Variants in ZNF28 observed in about 807,000 individuals in gnomAD.
The protein encoded by ZNF28 is zinc finger protein 28.
ZNF28 carries 5 observed loss-of-function variants against 7.2 expected under a neutral mutation model. The ratio of observed to expected loss-of-function variants is 0.70; its 90% confidence interval spans 0.36 to 1.46. The LOEUF (loss-of-function observed/expected upper bound fraction) is 1.46. Among genes scored for constraint, ZNF28 ranks in the 40% most tolerant of loss-of-function variants. ZNF28 has a pLI of 0.03. For missense variants in ZNF28, 879 were observed against 866.6 expected (o/e 1.01, Z -0.18); for synonymous variants, 288 against 292.4 (o/e 0.99, Z 0.15).
chr19:52,801,779 AAAAAAC>A (rs2062875499), intron 3 of ZNF28, 77 bp from the exon 4 acceptor site: 2 of 1,326,902 alleles, frequency 1.5e-6, no homozygotes, highest in Non-Finnish European at 2.1e-6. Flanking sequence ...AATATGACAC[AAAAAAC>A]AATACTTATT....
At chr19:52,805,666 A>ATAAATAAATAAATAAATAAC (rs1165988967) in intron 3 of ZNF28, 8 of 151,388 alleles carry the variant, frequency 5.3e-5, no homozygotes, top group African/African-American at 1.7e-4. Flanking sequence ...AAATAAATAA[A>ATAAATAAATAAATAAATAAC]TAAAGTTCTC....
Position 52,820,318 on chromosome 19 carries a change from C to T in ZNF28, c.-74+1268G>A, listed in dbSNP as rs2063179706. On this transcript the variant is annotated intron_variant, in intron 1 of 3. Transcript: ENST00000457749. The stretch of plus-strand genomic sequence containing the variant: ...ATTTTTAGTAGAGACGGGGTTTCAC[C>T]TTGTTAGCCAGGATGGTCTCGATCT... 2.2e-5 allele frequency among the ~76,000 whole-genome samples: 3 copies of T among 135,658 alleles called. 1 individual carries two copies. Among genetic ancestry groups the T allele is most frequent in the South Asian group, 2.6e-4 (1 of 3,838 alleles). 89.0% of individuals were successfully genotyped at this position (135,658 alleles called of 152,430 possible).
intron 2 of ZNF28, chr19:52,810,393 G>A (rs2063004097): frequency 1.9e-6 from 3 of 1,604,864 alleles, no homozygotes; most frequent in East Asian, 2.2e-5. Flanking sequence ...AGTCAACCAC[G>A]TTACCATACT....
chr19:52,811,439 G>A (rs1428385720), intron 2 of ZNF28, among the ~76,000 whole-genome samples: 3 of 147,700 alleles, frequency 2.0e-5, no homozygotes, highest in African/African-American at 5.2e-5. Context: ...TCCCATCTAG[G>A]AAGCGAGGAG....
At chr19:52,801,755 T>C in intron 3 of ZNF28, 53 bp from the exon 4 acceptor site, 1 of 1,478,652 alleles carries the variant, frequency 6.8e-7, no homozygotes, top group South Asian at 1.3e-5. Context: ...TGGTGTATAA[T>C]ACTGAAATGT....
intron 2 of ZNF28, 92 bp from the exon 3 acceptor site, chr19:52,808,225 T>A: frequency 6.4e-7 from 1 of 1,556,854 alleles, no homozygotes. Flanking sequence ...TGGATTTAGT[T>A]GTAGTGAATG....
intron 2 of ZNF28, among the ~76,000 whole-genome samples, chr19:52,809,442 A>G (rs1482748890): frequency 6.6e-6 from 1 of 152,236 alleles, no homozygotes; most frequent in Non-Finnish European, 1.5e-5. Context: ...ATTTACTGGA[A>G]CACAAAGAAG....
At chr19:52,813,130 G>A (rs908193111) in intron 2 of ZNF28, among the ~76,000 whole-genome samples, 2 of 151,040 alleles carry the variant, frequency 1.3e-5, no homozygotes, top group Non-Finnish European at 2.9e-5. Context: ...CAATACTTTT[G>A]CATGTATTTA....
At chr19:52,813,249 G>GGAAAAAAAAAA (rs1229458898) in intron 2 of ZNF28, among the ~76,000 whole-genome samples, 2 of 62,984 alleles carry the variant, frequency 3.2e-5, no homozygotes, top group Non-Finnish European at 5.5e-5. Context: ...CTTGAATGGT[G>GGAAAAAAAAAA]AAAAAAAAAA....
chr19:52,807,053 G>A (rs1209957877), intron 3 of ZNF28, among the ~76,000 whole-genome samples: 1 of 152,164 alleles, frequency 6.6e-6, no homozygotes, highest in Non-Finnish European at 1.5e-5. Flanking sequence ...CTATTTGAAG[G>A]TGGAGCTTCC....
chr19:52,800,247 C>A lies in ZNF28; in HGVS notation c.1598G>T (p.Ser533Ile). 5 of 1,611,648 alleles carry A rather than the reference C, an allele frequency of 3.1e-6. No homozygotes were observed. The highest frequency in any genetic ancestry group is 4.2e-6 in the Non-Finnish European group (5 of 1,179,314). ...ATGACATGCAAGGTTTGCTTTTGTA[C>A]TAAAAACCTTGCCACATTCATTACA... ...YMCNECGKVFSTKANLACHHK... is the reference protein window; with the variant it reads ...YMCNECGKVFITKANLACHHK... The change falls in exon 4 of 4, where the codon AGT (serine) becomes ATT (isoleucine). Residue 533 changes from serine (S) to isoleucine (I), a missense_variant. By Grantham distance (142) the Ser-to-Ile change is moderately radical (BLOSUM62 -2). Transcript: ENST00000457749.
intron 3 of ZNF28, 26 bp downstream of exon 3, chr19:52,807,981 G>T (rs1052912082): frequency 6.2e-7 from 1 of 1,612,366 alleles, no homozygotes. Flanking sequence ...ATACACAAGG[G>T]CACATCCCCA....
rs74200825 is a variant in ZNF28 at position 52,819,938 on chromosome 19, G to A, written c.-74+1648C>T. Among the ~76,000 whole-genome samples the A allele has an allele frequency of 2.0e-3, 284 of 143,932 alleles. 16 individuals are homozygous for A. The East Asian group carries it at 0.038, about 19-fold the overall frequency. 94.4% of individuals were successfully genotyped at this position (143,932 alleles called of 152,430 possible). ...AATTATTTCAATCAAGAATACATGG[G>A]TGGACAGCTGAGGTGGTTCACACCT... On this transcript the variant is annotated intron_variant, in intron 1 of 3. Coordinates refer to ENST00000457749, the MANE Select transcript of ZNF28 (RefSeq NM_006969.5).
At position 52,816,178 on chromosome 19, in the gene ZNF28, A is replaced by T. The variant is rs114415876; in HGVS notation, c.15+1766T>A. 5.2e-3 allele frequency among the ~76,000 whole-genome samples: 757 copies of T among 145,582 alleles called. 127 individuals carry two copies. The highest frequency in any genetic ancestry group is 0.019 in the African/African-American group (723 of 37,440). ...CAGCTTTGCTTGGAGTTTTACCACA[A>T]AATATATACATCATGTGATGTTTAC... is the stretch of plus-strand genomic sequence containing the variant. On this transcript the variant is annotated intron_variant, in intron 2 of 3. Coordinates refer to ENST00000457749, the MANE Select transcript of ZNF28 (RefSeq NM_006969.5).
intron 2 of ZNF28, chr19:52,814,233 G>A (rs1448120099): frequency 1.4e-5 from 2 of 145,858 alleles, no homozygotes; most frequent in Non-Finnish European, 3.0e-5. Context: ...AGCTTTCTTG[G>A]AGCGTTACCA....
chr19:52,812,193 C>T (rs1241323078), intron 2 of ZNF28, among the ~76,000 whole-genome samples: 2 of 130,748 alleles, frequency 1.5e-5, no homozygotes, highest in Non-Finnish European at 3.1e-5. Flanking sequence ...AGGTGAGGGG[C>T]GCTTCTGCCC....
At chr19:52,818,921 A>C (rs2063161425) in intron 1 of ZNF28, among the ~76,000 whole-genome samples, 1 of 136,358 alleles carries the variant, frequency 7.3e-6, no homozygotes, top group East Asian at 2.1e-4. Flanking sequence ...TTCTGATGGG[A>C]CTGACACAGA....
intron 2 of ZNF28, among the ~76,000 whole-genome samples, chr19:52,815,608 AGGT>A (rs1315928006): frequency 6.8e-6 from 1 of 146,618 alleles, no homozygotes; most frequent in Admixed American, 6.8e-5. Flanking sequence ...GCGAATCATG[AGGT>A]CAGGAGATCG....
chr19:52,811,064 T>G (rs192585539), intron 2 of ZNF28, among the ~76,000 whole-genome samples: 1 of 147,710 alleles, frequency 6.8e-6, no homozygotes, highest in Non-Finnish European at 1.5e-5. Context: ...TGGTTTTCGT[T>G]TTTTTTTTTG....
Sources: gnomAD v4.1 joint callset for allele counts (sites outside exome capture counted in the v4.1 genomes callset) on GRCh38, gnomAD v4.1.1 for gene constraint, MANE v1.5 for transcripts, NCBI Gene and HGNC (gene_info 2026-07-23, HGNC 2026-07-21) for gene names.